The following OTC variants were observed in gnomAD, a reference collection of about 807,000 sequenced individuals.
OTC encodes the protein ornithine transcarbamylase.
A neutral mutation model predicts 30.3 loss-of-function variants in OTC; 3 were observed. The ratio of observed to expected loss-of-function variants is 0.10; its 90% CI spans 0.05 to 0.26. OTC has a LOEUF of 0.26. Among genes scored for constraint, OTC ranks in the 10% least tolerant of loss-of-function variants. The pLI is 1.00. For synonymous variants in OTC, 111 were observed against 99.7 expected (o/e 1.11, Z -0.67); for missense variants, 194 against 260.3 (o/e 0.75, Z 1.75).
chrX:38,333,648 G>T, the OTC span, among the ~76,000 whole-genome samples: 1 of 111,892 alleles, frequency 8.9e-6, no homozygotes, highest in African/African-American at 3.2e-5. Context: ...ATGTCAACTA[G>T]AAATAGAGGC....
At chrX:38,412,469 A>G (rs1449148266) in intron 9 of OTC, among the ~76,000 whole-genome samples, 1 of 111,700 alleles carries the variant, frequency 9.0e-6, no homozygotes, top group Non-Finnish European at 1.9e-5. Context: ...GGCCATAGGG[A>G]TATATGTGTT....
the OTC span, among the ~76,000 whole-genome samples, chrX:38,337,510 T>G: frequency 3.6e-5 from 4 of 111,870 alleles, no homozygotes; most frequent in Non-Finnish European, 7.5e-5. Context: ...CATTAACCCC[T>G]GATCATGATT....
rs73474047 is a variant in OTC, at chrX:38,359,278, C to G, written c.77+6505C>G. On this transcript the variant is annotated intron_variant, in intron 1 of 9. Coordinates refer to ENST00000039007, the MANE Select transcript of OTC (RefSeq NM_000531.6). ...GTCATTGTTCCCAGTAGTGCAAATA[C>G]TATACCAGAGTGGTGGGGTTCTAGG... is the stretch of plus-strand genomic sequence containing the variant. 2.5e-3 allele frequency among the ~76,000 whole-genome samples: 284 copies of G among 111,900 alleles called. 1 individual carries two copies. Among genetic ancestry groups the G allele is most frequent in the African/African-American group, 8.1e-3 (251 of 30,825 alleles).
chrX:38,372,906 T>G (rs1382736624), intron 3 of OTC, among the ~76,000 whole-genome samples: 1 of 112,074 alleles, frequency 8.9e-6, no homozygotes, highest in East Asian at 2.8e-4. Flanking sequence ...CCTGACATGA[T>G]CCTCACAGGA....
chrX:38,338,599 T>C, the OTC span, among the ~76,000 whole-genome samples: 1 of 111,648 alleles, frequency 9.0e-6, no homozygotes, highest in Non-Finnish European at 1.9e-5. Flanking sequence ...TTTTTGTTTG[T>C]TTTTTGCAAA....
At chrX:38,380,155 C>T (rs986064135) in intron 3 of OTC, among the ~76,000 whole-genome samples, 1 of 111,683 alleles carries the variant, frequency 9.0e-6, no homozygotes, top group African/African-American at 3.3e-5. Context: ...TCCTTAATAT[C>T]ATTTAATATC....
chrX:38,346,853 C>T, the OTC span, among the ~76,000 whole-genome samples: 2 of 112,034 alleles, frequency 1.8e-5, no homozygotes, highest in Non-Finnish European at 3.8e-5. Flanking sequence ...ACAACCATTG[C>T]GTATTCTGAT....
At chrX:38,401,613 A>T (rs1428640042) in intron 5 of OTC, among the ~76,000 whole-genome samples, 185 bp downstream of exon 5, 1 of 112,089 alleles carries the variant, frequency 8.9e-6, no homozygotes, top group Admixed American at 9.5e-5. Flanking sequence ...AGACTCTAAG[A>T]TCGCTCTGCA....
intron 1 of OTC, among the ~76,000 whole-genome samples, chrX:38,355,027 G>A (rs963835223): frequency 9.0e-6 from 1 of 111,567 alleles, no homozygotes; most frequent in Non-Finnish European, 1.9e-5. Flanking sequence ...GAGGGCCCTT[G>A]TTATGTAACA....
intron 6 of OTC, among the ~76,000 whole-genome samples, chrX:38,404,286 C>T (rs1479874129): frequency 2.7e-5 from 3 of 112,184 alleles, no homozygotes; most frequent in Non-Finnish European, 5.6e-5. Context: ...ATACTTCCTA[C>T]CTTGCTGCTC....
At chrX:38,359,717 G>A (rs1001744222) in intron 1 of OTC, among the ~76,000 whole-genome samples, 3 of 110,239 alleles carry the variant, frequency 2.7e-5, no homozygotes, top group African/African-American at 6.6e-5. Context: ...CACCGCACCC[G>A]GCTGAAGTGA....
At chrX:38,361,874 G>A (rs1458686008) in intron 1 of OTC, among the ~76,000 whole-genome samples, 1 of 111,408 alleles carries the variant, frequency 9.0e-6, no homozygotes. Context: ...GTCACAGAAC[G>A]ATTACAATTT....
At chrX:38,398,761 T>C (rs1396801789) in intron 4 of OTC, among the ~76,000 whole-genome samples, 2 of 111,792 alleles carry the variant, frequency 1.8e-5, no homozygotes, top group Admixed American at 9.5e-5. Context: ...TGCATTCTTA[T>C]AGTATGAAAA....
At chrX:38,370,095 G>A (rs929907200) in intron 3 of OTC, among the ~76,000 whole-genome samples, 3 of 112,616 alleles carry the variant, frequency 2.7e-5, no homozygotes, top group African/African-American at 9.7e-5. Context: ...ATTCCATAAG[G>A]AACTGAGTAG....
the OTC span, among the ~76,000 whole-genome samples, chrX:38,344,851 G>A: frequency 1.0e-4 from 11 of 109,898 alleles, no homozygotes; most frequent in African/African-American, 3.6e-4. Context: ...GAATATATAT[G>A]TAGAACATTC....
At chrX:38,411,783 G>A in intron 8 of OTC, 79 bp from the exon 9 acceptor site, 1 of 950,282 alleles carries the variant, frequency 1.1e-6, no homozygotes, top group Non-Finnish European at 1.5e-6. Context: ...CTGGCCATGT[G>A]TGTTTTTAGA....
upstream of OTC, among the ~76,000 whole-genome samples, chrX:38,351,754 TTTTCTTTC>T (rs774295411): frequency 1.2e-4 from 13 of 111,381 alleles, no homozygotes; most frequent in African/African-American, 4.3e-4. Context: ...TTTCTTTTCT[TTTTCTTTC>T]TTTCTTTCTT....
the OTC span, among the ~76,000 whole-genome samples, chrX:38,338,272 C>A: frequency 1.8e-5 from 2 of 112,275 alleles, no homozygotes; most frequent in African/African-American, 6.5e-5. Context: ...GAAATAGCCA[C>A]CTCATCAGCT....
chrX:38,334,219 CTT>C, the OTC span, among the ~76,000 whole-genome samples: 1 of 112,064 alleles, frequency 8.9e-6, no homozygotes, highest in African/African-American at 3.3e-5. Flanking sequence ...TGTATTAACT[CTT>C]TAAATTCCCG....
Sources: gnomAD v4.1 joint callset for allele counts (sites outside exome capture counted in the v4.1 genomes callset) on GRCh38, gnomAD v4.1.1 for gene constraint, MANE v1.5 for transcripts, NCBI Gene and HGNC (gene_info 2026-07-23, HGNC 2026-07-21) for gene names.